ADAMTS14: variants seen among roughly 807,000 people sequenced by gnomAD.
ADAMTS14 encodes ADAM metallopeptidase with thrombospondin type 1 motif 14.
A neutral mutation model predicts 128.6 loss-of-function variants in ADAMTS14; 100 were observed. The ratio of observed to expected loss-of-function variants is 0.78; its 90% CI spans 0.66 to 0.92. The LOEUF is 0.92. Ranked by LOEUF, ADAMTS14 falls within the 40% of genes least tolerant of loss-of-function variation. The pLI, the probability that ADAMTS14 is intolerant of heterozygous loss-of-function variation, is 0.00. For missense variants in ADAMTS14, 1,562 were observed against 1,658.6 expected (o/e 0.94, Z 1.01); for synonymous variants, 665 against 653.8 (o/e 1.02, Z -0.26).
rs1428602883 is a variant in ADAMTS14 at position 70,758,108 on chromosome 10, G to A, written c.3067+17G>A. ...CCTGTGGAGGTGAGCCAGAGGGGAT[G>A]GGGAGGCCAGGTCCAGTCCCTTGGG... On this transcript the variant is annotated intron_variant, in intron 20 of 21. Coordinates refer to ENST00000373207, the MANE Select transcript of ADAMTS14 (RefSeq NM_080722.4). 1.2e-6 allele frequency: 2 copies of A among 1,611,736 alleles called. No individual in the cohort carries two copies. Among genetic ancestry groups the A allele is most frequent in the Non-Finnish European group, 1.7e-6 (2 of 1,178,740 alleles).
intron 4 of ADAMTS14, among the ~76,000 whole-genome samples, chr10:70,721,019 C>CTTTTTTTTTTTTTTTT (rs56656736): frequency 9.5e-5 from 8 of 84,330 alleles, no homozygotes; most frequent in Admixed American, 1.5e-4. Context: ...TCTCTTTTTT[C>CTTTTTTTTTTTTTTTT]TTTTTTTTTT....
Position 70,733,908 on chromosome 10 carries a change from A to G in ADAMTS14, c.1232A>G (p.Gln411Arg). ...GHVLGMEHDG[Q>R]GNGCADETSL... is the part of the protein sequence containing the mutation. ...AGGCTCGGCATGGAGCATGACGGTC[A>G]GGGGAATGGCTGTGCAGATGAGACC... Residue 411 changes from glutamine to arginine, a missense_variant, in exon 8 of 22, where the codon CAG (glutamine) becomes CGG (arginine). Transcript: ENST00000373207. 1.9e-6 allele frequency: 3 copies of G among 1,613,634 alleles called. No individual in the cohort carries two copies. Among genetic ancestry groups the G allele is most frequent in the Non-Finnish European group, 2.5e-6 (3 of 1,179,794 alleles).
chr10:70,704,161 G>A (rs1564528496), intron 3 of ADAMTS14, among the ~76,000 whole-genome samples: 1 of 152,168 alleles, frequency 6.6e-6, no homozygotes, highest in East Asian at 1.9e-4. Context: ...TCTTCCTCAG[G>A]CTGGGGACCT....
At chr10:70,681,855 G>A (rs759187247) in intron 2 of ADAMTS14, among the ~76,000 whole-genome samples, 7 of 152,240 alleles carry the variant, frequency 4.6e-5, no homozygotes, top group Non-Finnish European at 8.8e-5. Context: ...GACCCTGGGA[G>A]GGGCAGGGGG....
chr10:70,750,074 A>T, intron 16 of ADAMTS14, 89 bp downstream of exon 16: 1 of 1,531,890 alleles, frequency 6.5e-7, no homozygotes, highest in East Asian at 2.3e-5. Context: ...GCGTGACACC[A>T]TTCTGGTGTC....
intron 2 of ADAMTS14, among the ~76,000 whole-genome samples, chr10:70,696,367 T>G (rs1840332846): frequency 7.2e-6 from 1 of 139,686 alleles, no homozygotes; most frequent in Admixed American, 7.1e-5. Flanking sequence ...GGGGCAGTGT[T>G]GGGGGTCTGA....
At chr10:70,743,416 G>A (rs753268019) in intron 12 of ADAMTS14, 132 bp from the exon 13 acceptor site, 69 of 1,096,296 alleles carry the variant, frequency 6.3e-5, no homozygotes, top group South Asian at 2.2e-4. Flanking sequence ...TTCAGCCCCC[G>A]TGCCACACCC....
At position 70,734,753 on chromosome 10, in the gene ADAMTS14, C is replaced by T. The variant is rs1374375029; in HGVS notation, c.1353-416C>T. ...TCACTAGCCCCGTACAGGAGCTGGC[C>T]AGGGCGGCTCGCCCAGGGTCCATCT... is the stretch of plus-strand genomic sequence containing the variant. On this transcript the variant is annotated intron_variant, in intron 8 of 21. Coordinates refer to ENST00000373207, the MANE Select transcript of ADAMTS14 (RefSeq NM_080722.4). Among the ~76,000 whole-genome samples the T allele has an allele frequency of 3.3e-5, 5 of 152,314 alleles. 1 individual carries two copies. The highest frequency in any genetic ancestry group is 7.4e-5 in the Non-Finnish European group (5 of 68,012).
At chr10:70,745,153 G>A (rs1842136612) in intron 14 of ADAMTS14, 73 bp from the exon 15 acceptor site, 1 of 1,417,022 alleles carries the variant, frequency 7.1e-7, no homozygotes, top group Admixed American at 2.0e-5. Context: ...GCCCAGTGAG[G>A]GAGTGGGGGA....
chr10:70,677,650 G>A (rs1204427897), intron 2 of ADAMTS14, among the ~76,000 whole-genome samples: 1 of 152,156 alleles, frequency 6.6e-6, no homozygotes. Flanking sequence ...TACCCTGGCT[G>A]TTTCCAGAGG....
rs747153190 is a variant in ADAMTS14, at chr10:70,674,872, A to G, written c.399A>G (p.Ser133=). 6.2e-7 allele frequency: 1 copy of G among 1,613,942 alleles called. No individual in the cohort carries two copies. The highest frequency in any genetic ancestry group is 2.2e-5 in the East Asian group (1 of 44,884). The stretch of plus-strand genomic sequence containing the variant: ...GGAGGTTGGTAGTGCCAGGATCCTC[A>G]GTGGAGTGGCAGGAGGATTTTCGGG... The part of the protein sequence containing the change: ...PNRRLVVPGS[S]VEWQEDFREL... Residue 133 remains serine, a synonymous_variant, in exon 2 of 22, where the codon TCA becomes TCG. Transcript: ENST00000373207.
At position 70,744,164 on chromosome 10, in the gene ADAMTS14, G is replaced by T; in HGVS notation, c.2157G>T (p.Thr719=). 1.9e-6 allele frequency: 3 copies of T among 1,540,166 alleles called. No homozygotes were observed. Among genetic ancestry groups the T allele is most frequent in the Non-Finnish European group, 2.6e-6 (3 of 1,138,310 alleles). The stretch of plus-strand genomic sequence containing the variant: ...CCCACTGCAGGACTGTGAAGGGGAC[G>T]CTGGGCAAGGCCTCCAAGCAGGCAG... ...DNSHCRTVKG[T]LGKASKQAGA... Residue 719 remains threonine, a synonymous_variant, in exon 14 of 22, where the codon ACG becomes ACT. Coordinates refer to ENST00000373207, the MANE Select transcript of ADAMTS14 (RefSeq NM_080722.4).
At position 70,740,988 on chromosome 10, in the gene ADAMTS14, C is replaced by G. The variant is rs1484969632; in HGVS notation, c.1750C>G (p.Pro584Ala). 1 of 1,613,810 alleles carries G rather than the reference C, an allele frequency of 6.2e-7. No individual in the cohort carries two copies. The highest frequency in any genetic ancestry group is 1.7e-5 in the Admixed American group (1 of 60,002). ...SRSRSCNNPS[P>A]AYGGRLCLGP... The stretch of plus-strand genomic sequence containing the variant: ...TCCATTTCTCTGTGTCTGTCCCAGC[C>G]CAGCCTATGGAGGCCGCCTGTGCTT... Residue 584 changes from proline to alanine, a missense_variant and splice_region_variant, in exon 12 of 22, where the codon CCA (proline) becomes GCA (alanine). Coordinates refer to ENST00000373207, the MANE Select transcript of ADAMTS14 (RefSeq NM_080722.4).
intron 4 of ADAMTS14, among the ~76,000 whole-genome samples, chr10:70,727,634 G>C (rs1841484610): frequency 6.6e-6 from 1 of 152,038 alleles, no homozygotes; most frequent in Admixed American, 6.5e-5. Context: ...TCACATCCCT[G>C]ACCATGCTGG....
chr10:70,736,832 G>C, intron 10 of ADAMTS14, 39 bp downstream of exon 10: 1 of 1,577,664 alleles, frequency 6.3e-7, no homozygotes, highest in Non-Finnish European at 8.7e-7. Context: ...CCTTCCTGGG[G>C]TGCAGGGCAT....
At chr10:70,709,196 G>C (rs1056812523) in intron 4 of ADAMTS14, among the ~76,000 whole-genome samples, 2 of 152,180 alleles carry the variant, frequency 1.3e-5, no homozygotes, top group Non-Finnish European at 2.9e-5. Flanking sequence ...CCACCCCCAG[G>C]CTGGGGAGAC....
chr10:70,711,750 G>A (rs1014995175), intron 4 of ADAMTS14, among the ~76,000 whole-genome samples: 3 of 152,032 alleles, frequency 2.0e-5, no homozygotes, highest in African/African-American at 7.3e-5. Flanking sequence ...ACAGCACAGG[G>A]TCTGAGACCT....
intron 2 of ADAMTS14, among the ~76,000 whole-genome samples, chr10:70,676,909 G>T (rs1222630917): frequency 2.0e-5 from 3 of 152,238 alleles, no homozygotes; most frequent in Non-Finnish European, 2.9e-5. Context: ...CACACAGGTA[G>T]GCTGTAAGCT....
intron 2 of ADAMTS14, among the ~76,000 whole-genome samples, chr10:70,687,356 C>T (rs1421890126): frequency 4.9e-5 from 4 of 81,250 alleles, no homozygotes; most frequent in Admixed American, 1.3e-4. Context: ...ACCTCCCTCC[C>T]GGACGGGGCG....
Sources: gnomAD v4.1 joint callset for allele counts (sites outside exome capture counted in the v4.1 genomes callset) on GRCh38, gnomAD v4.1.1 for gene constraint, MANE v1.5 for transcripts, NCBI Gene and HGNC (gene_info 2026-07-23, HGNC 2026-07-21) for gene names.